The following MED13L variants were observed in gnomAD, a reference collection of about 807,000 sequenced individuals.
MED13L encodes mediator complex subunit 13L.
Under a neutral mutation model 220.9 loss-of-function variants are expected in MED13L, and 7 were observed. The observed-to-expected ratio is 0.03, with a 90% CI of 0.02 to 0.06. The LOEUF (loss-of-function observed/expected upper bound fraction) is 0.06, where lower values mean the gene tolerates loss of function less well. Ranked by LOEUF, MED13L falls within the 10% of genes least tolerant of loss-of-function variation. MED13L has a pLI of 1.00. For missense variants in MED13L, 1,965 were observed against 2,760.5 expected (o/e 0.71, Z 6.46); for synonymous variants, 1,011 against 1,015.2 (o/e 1.00, Z 0.08).
At chr12:116,033,810 G>A (rs1465742294) in intron 4 of MED13L, among the ~76,000 whole-genome samples, 2 of 152,112 alleles carry the variant, frequency 1.3e-5, no homozygotes, top group Non-Finnish European at 2.9e-5. Flanking sequence ...AGGAAACTGT[G>A]TTAGAGAAAG....
chr12:115,967,899 A>C (rs1386524122), intron 28 of MED13L, among the ~76,000 whole-genome samples: 1 of 152,242 alleles, frequency 6.6e-6, no homozygotes, highest in Non-Finnish European at 1.5e-5. Flanking sequence ...AAGACCCTTA[A>C]AACCCCTTCC....
chr12:116,183,634 A>T (rs919682647), intron 2 of MED13L, among the ~76,000 whole-genome samples: 1 of 152,306 alleles, frequency 6.6e-6, no homozygotes, highest in East Asian at 1.9e-4. Flanking sequence ...TTTAAGGTGA[A>T]ATGTCATTTT....
chr12:116,170,180 C>T (rs1879570996), intron 2 of MED13L, among the ~76,000 whole-genome samples: 1 of 152,174 alleles, frequency 6.6e-6, no homozygotes, highest in Non-Finnish European at 1.5e-5. Context: ...TTACCAAACT[C>T]TATCAAAAAA....
chr12:116,216,556 G>C (rs1382419379), intron 2 of MED13L, among the ~76,000 whole-genome samples: 1 of 152,116 alleles, frequency 6.6e-6, no homozygotes, highest in Non-Finnish European at 1.5e-5. Flanking sequence ...GTATGCAAAG[G>C]TCCAATAGTG....
At chr12:116,165,259 C>CTT (rs34196219) in intron 2 of MED13L, among the ~76,000 whole-genome samples, 2,121 of 74,456 alleles carry the variant, frequency 0.028, 292 homozygotes, top group African/African-American at 0.11. Context: ...AGGCACCATC[C>CTT]TTTTTTTTTT....
intron 2 of MED13L, chr12:116,232,122 A>G: frequency 1.0e-6 from 1 of 985,408 alleles, no homozygotes; most frequent in Non-Finnish European, 1.2e-6. Flanking sequence ...ATGTTTTTAC[A>G]ATCGCCCACA....
intron 4 of MED13L, among the ~76,000 whole-genome samples, chr12:116,069,871 G>C (rs1374037359): frequency 6.6e-6 from 1 of 152,128 alleles, no homozygotes; most frequent in East Asian, 1.9e-4. Flanking sequence ...GCAAATGAAT[G>C]TTTAGACCTG....
In MED13L at chr12:116,009,061, G is replaced by C. The variant is rs1879229470; in HGVS notation, c.1352C>G (p.Ala451Gly). 1.2e-6 allele frequency: 2 copies of C among 1,614,078 alleles called. No individual in the cohort carries two copies. Among genetic ancestry groups the C allele is most frequent in the Non-Finnish European group, 1.7e-6 (2 of 1,179,982 alleles). Residue 451 changes from alanine (A) to glycine (G), a missense_variant, in exon 10 of 31, where the codon GCA becomes GGA. Transcript: ENST00000281928. ...TAAAGATGAAGATGATGATGGTCCT[G>C]CACTGAACCCTGGTTGAGATACTGT... ...PPTVSQPGFS[A>G]GPSSSSSLPP... is the part of the protein sequence containing the mutation.
chr12:116,131,920 T>C (rs1385466020), intron 2 of MED13L, among the ~76,000 whole-genome samples: 1 of 151,890 alleles, frequency 6.6e-6, no homozygotes, highest in Non-Finnish European at 1.5e-5. Context: ...TGGCCAGAGG[T>C]TGCAGTGAGC....
At chr12:116,167,836 C>T (rs1879395217) in intron 2 of MED13L, among the ~76,000 whole-genome samples, 2 of 152,004 alleles carry the variant, frequency 1.3e-5, no homozygotes. Flanking sequence ...TATAACATGG[C>T]CTTTTGTGCC....
intron 3 of MED13L, among the ~76,000 whole-genome samples, chr12:116,111,175 G>T (rs565057827): frequency 3.9e-5 from 6 of 152,254 alleles, no homozygotes; most frequent in East Asian, 1.9e-4. Context: ...ATATGCAAAT[G>T]ATTTAGGGAA....
At chr12:116,024,262 C>T (rs1303099591) in intron 4 of MED13L, among the ~76,000 whole-genome samples, 3 of 151,796 alleles carry the variant, frequency 2.0e-5, no homozygotes, top group African/African-American at 7.3e-5. Flanking sequence ...CAGTCCTTGC[C>T]CTCAAGGAGC....
intron 2 of MED13L, among the ~76,000 whole-genome samples, chr12:116,149,399 C>A (rs192242552): frequency 2.0e-5 from 3 of 152,302 alleles, no homozygotes; most frequent in African/African-American, 7.2e-5. Context: ...GAAAGGAATT[C>A]TGCATGGTTT....
intron 4 of MED13L, among the ~76,000 whole-genome samples, chr12:116,052,855 T>C (rs1019157966): frequency 6.6e-6 from 1 of 152,206 alleles, no homozygotes; most frequent in Non-Finnish European, 1.5e-5. Context: ...GAATAATCCA[T>C]ACATTAATTA....
Position 116,019,236 on chromosome 12 carries a change from G to C in MED13L, c.997C>G (p.Gln333Glu), listed in dbSNP as rs1209309295. ...GGATCCTACTCACCTAGGATAGCCT[G>C]TTCTGGAGAGGTGGGAGGGGTCAGA... is the stretch of plus-strand genomic sequence containing the variant. ...MPLTPPTSPEQAILGESGGMQ... is the reference protein window; with the variant it reads ...MPLTPPTSPEEAILGESGGMQ... The change falls in exon 7 of 31, where the codon CAG becomes GAG. Residue 333 changes from glutamine (Q) to glutamate (E), a missense_variant. Transcript: ENST00000281928. The C allele has an allele frequency of 3.7e-6, 6 of 1,613,712 alleles. No homozygotes were observed. In the South Asian group the frequency reaches 5.5e-5, roughly 15 times the overall value.
At chr12:116,031,735 G>GAA (rs1227742984) in intron 4 of MED13L, among the ~76,000 whole-genome samples, 1 of 64,022 alleles carries the variant, frequency 1.6e-5, no homozygotes, top group Non-Finnish European at 2.6e-5. Context: ...GAAAAGAAAA[G>GAA]AAAAGAAAAG....
intron 4 of MED13L, among the ~76,000 whole-genome samples, chr12:116,047,690 G>A (rs1258145342): frequency 2.0e-5 from 3 of 152,180 alleles, no homozygotes. Flanking sequence ...GATCTAAGGT[G>A]TTTAACTAAC....
chr12:115,978,436 C>T (rs1877103915), intron 23 of MED13L, among the ~76,000 whole-genome samples: 2 of 150,868 alleles, frequency 1.3e-5, no homozygotes, highest in South Asian at 4.2e-4. Flanking sequence ...AAGCAATTCT[C>T]CCGCCTCAGC....
At chr12:115,962,734 T>C (rs1441917473) in intron 30 of MED13L, 1 of 155,336 alleles carries the variant, frequency 6.4e-6, no homozygotes, top group African/African-American at 2.4e-5. Flanking sequence ...CTAGTCCATT[T>C]TTAAAAAAAC....
Sources: gnomAD v4.1 joint callset for allele counts (sites outside exome capture counted in the v4.1 genomes callset) on GRCh38, gnomAD v4.1.1 for gene constraint, MANE v1.5 for transcripts, NCBI Gene and HGNC (gene_info 2026-07-23, HGNC 2026-07-21) for gene names.